Variants in MAP3K19 observed in about 807,000 individuals in gnomAD.
MAP3K19 encodes SPS1/STE20-related protein kinase YSK4.
Under a neutral mutation model 114.4 loss-of-function variants are expected in MAP3K19, and 91 were observed. The observed-to-expected ratio is 0.80, with a 90% CI of 0.67 to 0.95. MAP3K19 has a LOEUF of 0.95. Among genes scored for constraint, MAP3K19 ranks in the 40% least tolerant of loss-of-function variants. MAP3K19 has a pLI of 0.00. For synonymous variants in MAP3K19, 518 were observed against 530.5 expected, an observed-to-expected ratio of 0.98 and a Z score of 0.32; for missense variants, 1,471 against 1,573.2, an observed-to-expected ratio of 0.94 and a Z score of 1.10.
At chr2:135,044,796 G>A (rs1010424877) in intron 1 of MAP3K19, among the ~76,000 whole-genome samples, 2 of 152,100 alleles carry the variant, frequency 1.3e-5, no homozygotes, top group Admixed American at 6.6e-5. Context: ...TGCCTGATAA[G>A]AACCCAATCT....
At chr2:135,027,108 A>T (rs1422275217) in intron 3 of MAP3K19, among the ~76,000 whole-genome samples, 1 of 152,046 alleles carries the variant, frequency 6.6e-6, no homozygotes, top group African/African-American at 2.4e-5. Context: ...AGCCGGGCAT[A>T]GTGGTATGTG....
At chr2:135,031,916 C>T (rs1273596684) in intron 2 of MAP3K19, among the ~76,000 whole-genome samples, 1 of 152,176 alleles carries the variant, frequency 6.6e-6, no homozygotes, top group African/African-American at 2.4e-5. Context: ...GACCAGGCCA[C>T]CATGGTCCCT....
Position 134,987,212 on chromosome 2 carries a change from T to C in MAP3K19, c.1660A>G (p.Ile554Val). The C allele has an allele frequency of 6.2e-7, 1 of 1,614,184 alleles. No individual in the cohort carries two copies. The highest frequency in any genetic ancestry group is 8.5e-7 in the Non-Finnish European group (1 of 1,180,030). The part of the protein sequence containing the change: ...TSKKTPQNFV[I>V]STEGPIKPTM... ...GGCTTAATGGGACCTTCAGTAGAAA[T>C]CACAAAATTCTGAGGTGTCTTCTTA... The change falls in exon 10 of 13, where the codon ATT becomes GTT. Residue 554 changes from isoleucine to valine, a missense_variant. Coordinates refer to ENST00000392915, the MANE Select transcript of MAP3K19 (RefSeq NM_025052.5).
intron 12 of MAP3K19, among the ~76,000 whole-genome samples, chr2:134,969,244 C>T (rs1022613116): frequency 1.3e-5 from 2 of 152,016 alleles, no homozygotes; most frequent in South Asian, 2.1e-4. Flanking sequence ...CGCAGGCACT[C>T]GGCAGGCTGA....
chr2:134,966,496 A>G (rs1683357903), intron 12 of MAP3K19, among the ~76,000 whole-genome samples: 1 of 152,304 alleles, frequency 6.6e-6, no homozygotes, highest in South Asian at 2.1e-4. Flanking sequence ...TTTAAAAAGA[A>G]AAGAAAGAAG....
chr2:134,972,887 C>A (rs1034399049), intron 12 of MAP3K19, among the ~76,000 whole-genome samples: 4 of 152,088 alleles, frequency 2.6e-5, no homozygotes, highest in Non-Finnish European at 5.9e-5. Flanking sequence ...TTCTTTCTTG[C>A]CCCAGTAGCC....
At position 135,024,678 on chromosome 2, in the gene MAP3K19, ACT is replaced by A. The variant is rs775346177; in HGVS notation, c.-33_-32del. On this transcript the variant is annotated 5_prime_UTR_variant, in exon 4 of 13. Coordinates refer to ENST00000392915, the MANE Select transcript of MAP3K19 (RefSeq NM_025052.5). The stretch of plus-strand genomic sequence containing the variant: ...TGTCCAAAAGCTGCTGTTTCTTTGA[ACT>A]CTCTATTTGTGACACATAATGTATT... 8 of 1,607,468 alleles carry A rather than the reference ACT, an allele frequency of 5.0e-6. No individual in the cohort carries two copies. In the East Asian group the frequency reaches 1.8e-4, roughly 36 times the overall value.
At chr2:134,972,557 C>G (rs1160132534) in intron 12 of MAP3K19, among the ~76,000 whole-genome samples, 1 of 151,970 alleles carries the variant, frequency 6.6e-6, no homozygotes, top group Non-Finnish European at 1.5e-5. Context: ...CTCTTGGGTT[C>G]AAGCAATCCT....
At chr2:134,980,599 T>C in intron 12 of MAP3K19, 1 of 531,330 alleles carries the variant, frequency 1.9e-6, no homozygotes, top group East Asian at 3.1e-5. Context: ...AGACATTTAA[T>C]TGAGGCACTT....
chr2:135,037,829 A>G (rs1688565286), intron 2 of MAP3K19, among the ~76,000 whole-genome samples: 2 of 152,104 alleles, frequency 1.3e-5, no homozygotes, highest in South Asian at 4.1e-4. Flanking sequence ...TCCTCTTCCT[A>G]TCACTCAGTG....
At chr2:135,044,338 C>T (rs1180006698) in intron 1 of MAP3K19, among the ~76,000 whole-genome samples, 2 of 152,170 alleles carry the variant, frequency 1.3e-5, no homozygotes, top group Non-Finnish European at 2.9e-5. Context: ...TACTTGTAAT[C>T]CCAGCACTTT....
In MAP3K19 at chr2:134,987,222, C is replaced by T. The variant is rs780411585; in HGVS notation, c.1650G>A (p.Gln550=). 5.6e-6 allele frequency: 9 copies of T among 1,614,126 alleles called. No individual in the cohort carries two copies. In the Admixed American group the frequency reaches 1.5e-4, roughly 27 times the overall value. The change falls in exon 10 of 13, where the codon CAG becomes CAA. Residue 550 remains glutamine, a synonymous_variant. Transcript: ENST00000392915. ...SKTKTSKKTP[Q]NFVISTEGPI... ...GACCTTCAGTAGAAATCACAAAATTCTGAGGTGTCTTCTTACTTGTCTTGG... is the reference window on the plus strand; with the variant it reads ...GACCTTCAGTAGAAATCACAAAATTTTGAGGTGTCTTCTTACTTGTCTTGG...
At chr2:134,989,703 A>C (rs901004071) in intron 9 of MAP3K19, among the ~76,000 whole-genome samples, 1 of 152,224 alleles carries the variant, frequency 6.6e-6, no homozygotes, top group Non-Finnish European at 1.5e-5. Context: ...AAAAACTTAT[A>C]AATTAGACAG....
intron 12 of MAP3K19, among the ~76,000 whole-genome samples, chr2:134,977,873 A>G (rs1684361509): frequency 6.6e-6 from 1 of 152,098 alleles, no homozygotes; most frequent in African/African-American, 2.4e-5. Flanking sequence ...ATTCTTAACC[A>G]TTTGGCCCAT....
intron 12 of MAP3K19, among the ~76,000 whole-genome samples, chr2:134,979,911 G>A (rs1370060278): frequency 1.3e-5 from 2 of 152,176 alleles, no homozygotes; most frequent in Non-Finnish European, 2.9e-5. Context: ...GATTTATTCA[G>A]AAAGGCAAAA....
At chr2:135,030,663 T>C (rs949923629) in intron 2 of MAP3K19, among the ~76,000 whole-genome samples, 163 bp from the exon 3 acceptor site, 1 of 152,224 alleles carries the variant, frequency 6.6e-6, no homozygotes, top group South Asian at 2.1e-4. Context: ...ACATGCATGA[T>C]TTTTGGATAG....
chr2:134,965,143 AAT>A (rs1683247855), intron 12 of MAP3K19, among the ~76,000 whole-genome samples: 1 of 152,196 alleles, frequency 6.6e-6, no homozygotes, highest in Non-Finnish European at 1.5e-5. Flanking sequence ...TCATTGGGAG[AAT>A]TAAATAATAT....
chr2:135,007,307 A>C (rs1266872080), intron 5 of MAP3K19, among the ~76,000 whole-genome samples: 1 of 152,226 alleles, frequency 6.6e-6, no homozygotes, highest in Non-Finnish European at 1.5e-5. Context: ...TTTTATGGGT[A>C]CATAGGTATA....
At chr2:134,995,445 A>G (rs1685917192) in intron 8 of MAP3K19, among the ~76,000 whole-genome samples, 1 of 151,998 alleles carries the variant, frequency 6.6e-6, no homozygotes, top group Non-Finnish European at 1.5e-5. Flanking sequence ...GCGGCTGGGC[A>G]GTGGATCCAG....
Sources: allele counts gnomAD v4.1 joint callset (sites outside exome capture counted in the v4.1 genomes callset), GRCh38; gene constraint gnomAD v4.1.1; transcripts MANE v1.5; gene names NCBI Gene and HGNC (gene_info 2026-07-23, HGNC 2026-07-21).